Variants in ZZZ3 observed in about 807,000 individuals in gnomAD.
The protein encoded by ZZZ3 is ZZ-type zinc finger-containing protein 3.
In ZZZ3, 22 loss-of-function variants were observed where a neutral mutation model predicts 95.2. The observed-to-expected ratio is 0.23, with a 90% confidence interval of 0.17 to 0.33. The LOEUF is 0.33. Among genes scored for constraint, ZZZ3 ranks in the 10% least tolerant of loss-of-function variants. The probability of loss-of-function intolerance (pLI) is 1.00; values close to 1 mark genes in which losing one functional copy is unlikely to be tolerated. For synonymous variants in ZZZ3, 335 were observed against 358.9 expected (o/e 0.93, Z 0.75); for missense variants, 885 against 1,066.5 (o/e 0.83, Z 2.37).
At chr1:77,596,019 G>A (rs1282331679) in intron 5 of ZZZ3, among the ~76,000 whole-genome samples, 1 of 152,004 alleles carries the variant, frequency 6.6e-6, no homozygotes, top group Non-Finnish European at 1.5e-5. Flanking sequence ...AGGAATTTGA[G>A]GCTTAATACC....
intron 5 of ZZZ3, 135 bp downstream of exon 5, chr1:77,631,715 G>A (rs892611025): frequency 4.4e-6 from 3 of 676,030 alleles, no homozygotes; most frequent in African/African-American, 1.8e-5. Flanking sequence ...TCTAAGAGTT[G>A]AGAAAATCAT....
chr1:77,661,996 T>A (rs890446358), intron 1 of ZZZ3, among the ~76,000 whole-genome samples: 87 of 150,974 alleles, frequency 5.8e-4, no homozygotes, highest in Non-Finnish European at 7.5e-4. Flanking sequence ...TTTTTTTTTT[T>A]ACTTGGTTTT....
At chr1:77,604,731 T>C (rs1453857586) in intron 5 of ZZZ3, among the ~76,000 whole-genome samples, 1 of 152,226 alleles carries the variant, frequency 6.6e-6, no homozygotes, top group Admixed American at 6.5e-5. Flanking sequence ...CACTTAACCA[T>C]ATTCTTTTTC....
chr1:77,670,619 C>T (rs532120435), intron 1 of ZZZ3, among the ~76,000 whole-genome samples: 1 of 152,108 alleles, frequency 6.6e-6, no homozygotes, highest in East Asian at 1.9e-4. Flanking sequence ...ACTGAAATTA[C>T]ACACAAAAAC....
At position 77,655,375 on chromosome 1, in the gene ZZZ3, A is replaced by T. The variant is rs548295866; in HGVS notation, c.-402-13720T>A. ...CAAGTAAAGGGTTTTTAAGATCAAA[A>T]TTAATTTTCTTCTAGAATTACCTTT... is the stretch of plus-strand genomic sequence containing the variant. On this transcript the variant is annotated intron_variant, in intron 1 of 14. Transcript: ENST00000370801. 2.0e-5 allele frequency among the ~76,000 whole-genome samples: 3 copies of T among 152,326 alleles called. No homozygotes were observed. In the East Asian group the frequency reaches 5.8e-4, roughly 29 times the overall value.
intron 12 of ZZZ3, among the ~76,000 whole-genome samples, chr1:77,570,746 T>G (rs1557686042): frequency 6.6e-6 from 1 of 151,288 alleles, no homozygotes; most frequent in Admixed American, 6.6e-5. Flanking sequence ...TCTGCAGACT[T>G]GACCTCCCAA....
intron 5 of ZZZ3, among the ~76,000 whole-genome samples, chr1:77,605,695 G>A (rs1159814355): frequency 6.6e-6 from 1 of 152,078 alleles, no homozygotes; most frequent in Admixed American, 6.6e-5. Context: ...CCCCATTCCA[G>A]GCCATAGCTC....
chr1:77,591,155 AAT>A (rs1279401031), intron 5 of ZZZ3, among the ~76,000 whole-genome samples: 1 of 83,642 alleles, frequency 1.2e-5, no homozygotes, highest in Non-Finnish European at 3.1e-5. Flanking sequence ...CGTAACGATA[AAT>A]ATATGTTATG....
At chr1:77,645,605 C>G (rs892886751) in intron 1 of ZZZ3, 1 of 152,088 alleles carries the variant, frequency 6.6e-6, no homozygotes, top group African/African-American at 2.4e-5. Context: ...TTGAGTAAAA[C>G]AGACCCTGTC....
intron 1 of ZZZ3, among the ~76,000 whole-genome samples, chr1:77,665,418 G>A (rs1557776566): frequency 6.6e-6 from 1 of 152,140 alleles, no homozygotes; most frequent in Admixed American, 6.5e-5. Flanking sequence ...AACTGTTCCC[G>A]AAGGTAAGTG....
Position 77,568,476 on chromosome 1 carries a change from A to C in ZZZ3, c.2332-10T>G, listed in dbSNP as rs781081269. The C allele has an allele frequency of 1.0e-6, 1 of 981,596 alleles. No homozygotes were observed. 60.8% of individuals were successfully genotyped at this position (981,596 alleles called of 1,614,324 possible). On this transcript the variant is annotated splice_polypyrimidine_tract_variant and intron_variant, in intron 12 of 14. Coordinates refer to ENST00000370801, the MANE Select transcript of ZZZ3 (RefSeq NM_015534.6). The stretch of plus-strand genomic sequence containing the variant: ...GAATACTTTCGTCATCCTATCAAAA[A>C]AAAAAAAAAAAAAAAATGTTGGTTT...
rs5775412 is a variant in ZZZ3 at position 77,670,072 on chromosome 1, A to ACC, written c.-403+12511_-403+12512dup. The stretch of plus-strand genomic sequence containing the variant: ...ACCTATTAATATAATAAATATTGTG[A>ACC]CCCCCCCCCCCCATATTACTCCCTT... On this transcript the variant is annotated intron_variant, in intron 1 of 14. Coordinates refer to ENST00000370801, the MANE Select transcript of ZZZ3 (RefSeq NM_015534.6). 4.9e-3 allele frequency among the ~76,000 whole-genome samples: 559 copies of ACC among 113,840 alleles called. 6 individuals are homozygous for ACC. Among genetic ancestry groups the ACC allele is most frequent in the South Asian group, 7.8e-3 (25 of 3,186 alleles). 74.7% of individuals were successfully genotyped at this position (113,840 alleles called of 152,430 possible).
intron 1 of ZZZ3, among the ~76,000 whole-genome samples, chr1:77,642,498 C>T (rs1490864461): frequency 2.0e-5 from 3 of 151,952 alleles, no homozygotes; most frequent in African/African-American, 7.3e-5. Flanking sequence ...AATCTCAGCA[C>T]TTTGGGAGGC....
At chr1:77,672,365 T>C (rs1247735350) in intron 1 of ZZZ3, among the ~76,000 whole-genome samples, 1 of 152,180 alleles carries the variant, frequency 6.6e-6, no homozygotes, top group African/African-American at 2.4e-5. Context: ...AAAATCTGCA[T>C]TTGTAAAATT....
intron 1 of ZZZ3, among the ~76,000 whole-genome samples, chr1:77,657,304 A>G (rs1417512939): frequency 2.0e-5 from 3 of 152,128 alleles, no homozygotes; most frequent in Non-Finnish European, 2.9e-5. Context: ...TATATTGCTG[A>G]TTCATAAACA....
In ZZZ3 at chr1:77,597,388, A is replaced by C. The variant is rs530813943; in HGVS notation, c.1506-12733T>G. ...AACTTATGCAGACACTCTGCCCTCA[A>C]GAATAGGGAACGCAGCTCCCCATTC... On this transcript the variant is annotated intron_variant, in intron 5 of 14. Coordinates refer to ENST00000370801, the MANE Select transcript of ZZZ3 (RefSeq NM_015534.6). 5.3e-5 allele frequency among the ~76,000 whole-genome samples: 8 copies of C among 152,280 alleles called. 1 individual carries two copies. The highest frequency in any genetic ancestry group is 1.9e-4 in the African/African-American group (8 of 41,574).
At position 77,576,057 on chromosome 1, in the gene ZZZ3, G is replaced by A. The variant is rs768341588; in HGVS notation, c.2331+11C>T. On this transcript the variant is annotated intron_variant, in intron 12 of 14. Transcript: ENST00000370801. ...CTTGATGTATATAACAACTTGATGT[G>A]TATAACTTACTGATGCATCTTCAAC... 1.7e-5 allele frequency: 27 copies of A among 1,598,304 alleles called. 1 individual carries two copies. Among genetic ancestry groups the A allele is most frequent in the South Asian group, 1.3e-4 (11 of 87,558 alleles).
intron 3 of ZZZ3, 38 bp downstream of exon 3, chr1:77,641,346 A>C (rs1020514686): frequency 2.6e-6 from 1 of 386,698 alleles, no homozygotes; most frequent in African/African-American, 2.1e-5. Context: ...GCAGGCAAGA[A>C]CATCTGCAAC....
At chr1:77,647,357 A>G (rs1275198416) in intron 1 of ZZZ3, among the ~76,000 whole-genome samples, 4 of 152,070 alleles carry the variant, frequency 2.6e-5, no homozygotes, top group Non-Finnish European at 5.9e-5. Context: ...CATCCCTACT[A>G]AAAATACAAA....
Sources: allele counts gnomAD v4.1 joint callset (sites outside exome capture counted in the v4.1 genomes callset), GRCh38; gene constraint gnomAD v4.1.1; transcripts MANE v1.5; gene names NCBI Gene and HGNC (gene_info 2026-07-23, HGNC 2026-07-21).